The following XRCC5 variants were observed in gnomAD, a reference collection of about 807,000 sequenced individuals.
XRCC5 encodes the protein DNA repair protein Ku80.
Under a neutral mutation model 95.7 loss-of-function variants are expected in XRCC5, and 12 were observed. That is an observed-to-expected ratio of 0.13 (90% CI 0.08 to 0.20). The LOEUF is 0.20. XRCC5 is among the 10% of genes least tolerant of loss of function. XRCC5 has a pLI of 1.00. For synonymous variants in XRCC5, 281 were observed against 290.3 expected (o/e 0.97, Z 0.33); for missense variants, 595 against 873.9 (o/e 0.68, Z 4.02).
intron 14 of XRCC5, among the ~76,000 whole-genome samples, chr2:216,156,002 A>G (rs922698489): frequency 1.3e-5 from 2 of 152,198 alleles, no homozygotes; most frequent in African/African-American, 4.8e-5. Flanking sequence ...CACCCTTCTT[A>G]TAGACGAAGA....
intron 13 of XRCC5, among the ~76,000 whole-genome samples, chr2:216,141,649 C>A (rs1697174620): frequency 6.9e-6 from 1 of 144,878 alleles, no homozygotes; most frequent in Admixed American, 7.4e-5. Flanking sequence ...TCATAGCTCA[C>A]TATAGCCTCA....
At chr2:216,138,205 T>C (rs1697119027) in intron 12 of XRCC5, 26 bp downstream of exon 12, 1 of 1,584,902 alleles carries the variant, frequency 6.3e-7, no homozygotes, top group Non-Finnish European at 8.6e-7. Flanking sequence ...TTTAGATCAC[T>C]CATTGACTAC....
At chr2:216,122,020 T>G (rs374958902) in intron 5 of XRCC5, 42 bp from the exon 6 acceptor site, 4 of 1,514,948 alleles carry the variant, frequency 2.6e-6, no homozygotes, top group African/African-American at 2.8e-5. Context: ...GAGTTACAGT[T>G]ACAGGATTAG....
chr2:216,188,764 ATTAT>A (rs1482981256), intron 16 of XRCC5, among the ~76,000 whole-genome samples: 1 of 152,216 alleles, frequency 6.6e-6, no homozygotes, highest in Admixed American at 6.5e-5. Flanking sequence ...TCAGGGTTGT[ATTAT>A]TTACCTTGTT....
At chr2:216,193,315 C>G (rs1040516420) in intron 18 of XRCC5, among the ~76,000 whole-genome samples, 1 of 152,050 alleles carries the variant, frequency 6.6e-6, no homozygotes, top group East Asian at 1.9e-4. Flanking sequence ...GCCCTTTGCC[C>G]CACCTTTTTT....
chr2:216,163,928 A>G (rs1352020942), intron 16 of XRCC5, among the ~76,000 whole-genome samples: 8 of 152,238 alleles, frequency 5.3e-5, no homozygotes, highest in Non-Finnish European at 1.2e-4. Flanking sequence ...AAGTTGCCAT[A>G]TAGGAGAAAA....
chr2:216,164,102 C>G (rs1333519007), intron 16 of XRCC5, among the ~76,000 whole-genome samples: 1 of 152,174 alleles, frequency 6.6e-6, no homozygotes, highest in African/African-American at 2.4e-5. Flanking sequence ...GTTGTCTGTT[C>G]AGCTGTATAT....
intron 13 of XRCC5, among the ~76,000 whole-genome samples, chr2:216,146,762 C>T (rs1574465407): frequency 6.6e-6 from 1 of 152,116 alleles, no homozygotes. Context: ...GAACTTCACT[C>T]ACATGGGCAG....
chr2:216,115,163 C>G (rs1366242280), intron 2 of XRCC5, among the ~76,000 whole-genome samples: 1 of 121,500 alleles, frequency 8.2e-6, no homozygotes. Context: ...TTGCTTATGT[C>G]TGTCGTTTCA....
intron 16 of XRCC5, among the ~76,000 whole-genome samples, chr2:216,163,869 G>A (rs1689001241): frequency 6.6e-6 from 1 of 152,208 alleles, no homozygotes; most frequent in African/African-American, 2.4e-5. Flanking sequence ...TAAGTGGGGT[G>A]TATATGTTTT....
intron 13 of XRCC5, among the ~76,000 whole-genome samples, chr2:216,142,931 A>T (rs1697195260): frequency 2.0e-5 from 3 of 152,180 alleles, no homozygotes; most frequent in Admixed American, 2.0e-4. Flanking sequence ...TATGATGGGG[A>T]TACACGCCTA....
chr2:216,194,074 T>A (rs768613412), intron 18 of XRCC5, among the ~76,000 whole-genome samples: 7 of 152,232 alleles, frequency 4.6e-5, no homozygotes, highest in Non-Finnish European at 1.0e-4. Context: ...AGTTCCATAT[T>A]GGGCACCGGA....
At chr2:216,138,016 G>T in intron 11 of XRCC5, 73 bp from the exon 12 acceptor site, 2 of 1,301,462 alleles carry the variant, frequency 1.5e-6, no homozygotes, top group South Asian at 1.3e-5. Context: ...TACTTTCACA[G>T]AATTTGGGAT....
chr2:216,177,319 T>C (rs1689296279), intron 16 of XRCC5, among the ~76,000 whole-genome samples: 1 of 152,220 alleles, frequency 6.6e-6, no homozygotes, highest in Non-Finnish European at 1.5e-5. Context: ...AGTGAGACCT[T>C]TATGATTTTG....
intron 14 of XRCC5, among the ~76,000 whole-genome samples, chr2:216,157,909 T>C (rs563208120): frequency 9.8e-5 from 15 of 152,340 alleles, no homozygotes; most frequent in Non-Finnish European, 2.2e-4. Flanking sequence ...AGAGAGTCAT[T>C]ACCCTTTCCC....
intron 2 of XRCC5, among the ~76,000 whole-genome samples, chr2:216,115,171 T>C (rs1281565462): frequency 8.8e-6 from 1 of 114,096 alleles, no homozygotes; most frequent in Admixed American, 7.6e-5. Context: ...GTCTGTCGTT[T>C]CAATTGTTTA....
At chr2:216,124,105 G>A (rs1696867087) in intron 6 of XRCC5, among the ~76,000 whole-genome samples, 1 of 152,178 alleles carries the variant, frequency 6.6e-6, no homozygotes, top group African/African-American at 2.4e-5. Flanking sequence ...TATTGGGCTA[G>A]CATGGTTAGA....
chr2:216,139,232 A>C (rs1203229811), intron 12 of XRCC5, among the ~76,000 whole-genome samples: 1 of 152,116 alleles, frequency 6.6e-6, no homozygotes, highest in African/African-American at 2.4e-5. Flanking sequence ...CTGGAGCCTC[A>C]AACTCCCTGT....
intron 13 of XRCC5, among the ~76,000 whole-genome samples, chr2:216,141,920 A>G (rs1278888712): frequency 6.6e-6 from 1 of 152,106 alleles, no homozygotes; most frequent in Non-Finnish European, 1.5e-5. Context: ...CGGGCATGGT[A>G]GCACGTGCCT....
Sources: allele counts gnomAD v4.1 joint callset (sites outside exome capture counted in the v4.1 genomes callset), GRCh38; gene constraint gnomAD v4.1.1; transcripts MANE v1.5; gene names NCBI Gene and HGNC (gene_info 2026-07-23, HGNC 2026-07-21).